The following ROBO2 variants were observed in gnomAD, a reference collection of about 807,000 sequenced individuals.
ROBO2 encodes roundabout guidance receptor 2.
Under a neutral mutation model 160.8 loss-of-function variants are expected in ROBO2, and 53 were observed. The observed-to-expected ratio is 0.33, with a 90% confidence interval of 0.26 to 0.41. The LOEUF is 0.41. ROBO2 is among the 10% of genes least tolerant of loss of function. ROBO2 has a pLI of 1.00. For missense variants in ROBO2, 1,577 were observed against 1,722.4 expected, an observed-to-expected ratio of 0.92 and a Z score of 1.49; for synonymous variants, 664 against 611.7, an observed-to-expected ratio of 1.09 and a Z score of -1.26.
At chr3:77,503,754 T>A (rs2153610011) in intron 5 of ROBO2, among the ~76,000 whole-genome samples, 1 of 152,132 alleles carries the variant, frequency 6.6e-6, no homozygotes. Context: ...TTCATTTTTT[T>A]AAAACTATGT....
intron 2 of ROBO2, among the ~76,000 whole-genome samples, chr3:76,863,487 A>T (rs1166968): frequency 6.6e-6 from 1 of 151,262 alleles, no homozygotes; most frequent in Non-Finnish European, 1.5e-5. Flanking sequence ...GCAGAAAAAA[A>T]CCAAATCATT....
intron 2 of ROBO2, among the ~76,000 whole-genome samples, chr3:77,320,148 T>C (rs879270190): frequency 3.3e-5 from 5 of 152,160 alleles, no homozygotes; most frequent in Admixed American, 6.5e-5. Context: ...ATGAAATAGA[T>C]TTCTAAAGGC....
chr3:75,988,296 G>A (rs1348655497), intron 2 of ROBO2, among the ~76,000 whole-genome samples: 1 of 151,876 alleles, frequency 6.6e-6, no homozygotes, highest in Admixed American at 6.6e-5. Flanking sequence ...GATTTCATCT[G>A]GTTCATTCAA....
intron 2 of ROBO2, among the ~76,000 whole-genome samples, chr3:76,559,085 T>C (rs923395025): frequency 6.6e-6 from 1 of 152,266 alleles, no homozygotes; most frequent in East Asian, 1.9e-4. Context: ...GGGGCAATTC[T>C]ATAGACATAT....
intron 2 of ROBO2, among the ~76,000 whole-genome samples, chr3:76,587,596 C>A (rs1263887361): frequency 6.6e-6 from 1 of 152,142 alleles, no homozygotes; most frequent in Non-Finnish European, 1.5e-5. Flanking sequence ...AGGGAAACCA[C>A]CCCCATGATT....
intron 2 of ROBO2, among the ~76,000 whole-genome samples, chr3:77,149,821 T>C (rs1362669551): frequency 6.6e-6 from 1 of 152,120 alleles, no homozygotes; most frequent in East Asian, 1.9e-4. Flanking sequence ...CTTTTGTGAT[T>C]CCATTGTCCA....
chr3:75,927,689 T>C (rs1022070952), intron 1 of ROBO2, among the ~76,000 whole-genome samples: 29 of 152,218 alleles, frequency 1.9e-4, no homozygotes, highest in Admixed American at 1.8e-3. Context: ...AAAAAGTTTC[T>C]TGTGGAATTT....
intron 2 of ROBO2, among the ~76,000 whole-genome samples, chr3:76,745,675 T>C (rs2093873934): frequency 6.6e-6 from 1 of 152,050 alleles, no homozygotes; most frequent in South Asian, 2.1e-4. Flanking sequence ...TGACAATTCT[T>C]TATATATTGG....
At chr3:76,208,297 T>C (rs535335800) in intron 2 of ROBO2, among the ~76,000 whole-genome samples, 2 of 152,304 alleles carry the variant, frequency 1.3e-5, no homozygotes, top group South Asian at 2.1e-4. Context: ...GCTCTCCTTG[T>C]AATGGAAATG....
intron 2 of ROBO2, among the ~76,000 whole-genome samples, chr3:76,598,204 A>AT (rs2086867178): frequency 6.6e-6 from 1 of 152,152 alleles, no homozygotes; most frequent in East Asian, 1.9e-4. Context: ...TTCCATTTAT[A>AT]TAACATTCTA....
intron 2 of ROBO2, among the ~76,000 whole-genome samples, chr3:76,300,972 G>T (rs143324512): frequency 5.9e-4 from 90 of 152,184 alleles, no homozygotes; most frequent in African/African-American, 2.1e-3. Flanking sequence ...GATGGGTGGC[G>T]ATAAGAGGGA....
chr3:77,112,662 A>G (rs2073780864), intron 2 of ROBO2, among the ~76,000 whole-genome samples: 1 of 152,202 alleles, frequency 6.6e-6, no homozygotes, highest in South Asian at 2.1e-4. Context: ...CGGCACCTCA[A>G]GAACTATTCT....
intron 2 of ROBO2, among the ~76,000 whole-genome samples, chr3:76,458,216 A>G (rs1419099748): frequency 6.6e-6 from 1 of 152,148 alleles, no homozygotes; most frequent in Non-Finnish European, 1.5e-5. Context: ...CTTTGACAGC[A>G]CCCAAGTCAC....
chr3:75,937,232 G>A (rs933785237), intron 1 of ROBO2, among the ~76,000 whole-genome samples: 1 of 152,072 alleles, frequency 6.6e-6, no homozygotes, highest in Non-Finnish European at 1.5e-5. Flanking sequence ...TAAATGGCCT[G>A]TTTTGGAAAA....
chr3:76,655,459 T>TATATATATATATATA (rs1382812450), intron 2 of ROBO2, among the ~76,000 whole-genome samples: 19 of 133,268 alleles, frequency 1.4e-4, no homozygotes, highest in Middle Eastern at 4.1e-3. Context: ...TATATATGGA[T>TATATATATATATATA]TTTTTTCCCT....
intron 2 of ROBO2, among the ~76,000 whole-genome samples, chr3:76,785,593 A>G (rs2062923102): frequency 6.6e-6 from 1 of 151,224 alleles, no homozygotes; most frequent in Non-Finnish European, 1.5e-5. Flanking sequence ...TTAAATAAAT[A>G]TTTATTTCCT....
intron 2 of ROBO2, among the ~76,000 whole-genome samples, chr3:76,580,832 C>T (rs73129185): frequency 0.039 from 5,931 of 151,992 alleles, 131 homozygotes; most frequent in South Asian, 0.051. Context: ...TAGCAGTAAC[C>T]ACAAATGCTT....
At chr3:76,760,132 C>T (rs909137249) in intron 2 of ROBO2, among the ~76,000 whole-genome samples, 1 of 151,698 alleles carries the variant, frequency 6.6e-6, no homozygotes, top group Non-Finnish European at 1.5e-5. Flanking sequence ...GTTGCTCGTA[C>T]CCAGATATCA....
At chr3:77,075,749 G>A (rs529361416) in intron 1 of ROBO2, among the ~76,000 whole-genome samples, 2 of 123,892 alleles carry the variant, frequency 1.6e-5, no homozygotes, top group African/African-American at 6.4e-5. Flanking sequence ...CACAATCTCT[G>A]CTCACTGTAA....
Sources: allele counts gnomAD v4.1 joint callset (sites outside exome capture counted in the v4.1 genomes callset), GRCh38; gene constraint gnomAD v4.1.1; transcripts MANE v1.5; gene names NCBI Gene and HGNC (gene_info 2026-07-23, HGNC 2026-07-21).